Variants in ITPR2 observed in about 807,000 individuals in gnomAD.
ITPR2 encodes the protein inositol 1,4,5-trisphosphate receptor type 2.
In ITPR2, 207 loss-of-function variants were observed where a neutral mutation model predicts 317.1. The observed-to-expected ratio is 0.65, with a 90% CI of 0.58 to 0.73. The LOEUF (loss-of-function observed/expected upper bound fraction) is 0.73. ITPR2 is among the 30% of genes least tolerant of loss of function. The probability of loss-of-function intolerance (pLI) is 0.00; values close to 1 mark genes in which losing one functional copy is unlikely to be tolerated. For missense variants in ITPR2, 2,613 were observed against 3,284.0 expected (o/e 0.80, Z 4.99); for synonymous variants, 1,156 against 1,149.1 (o/e 1.01, Z -0.12).
intron 52 of ITPR2, chr12:26,406,430 T>TA (rs1940353129): frequency 3.9e-5 from 1 of 25,814 alleles, no homozygotes; most frequent in Non-Finnish European, 1.1e-4. Flanking sequence ...AATATGAAGT[T>TA]TTTTTTTTTT....
rs1431525091 is a variant in ITPR2 at position 26,649,675 on chromosome 12, A to T, written c.2740+4301T>A. Among the ~76,000 whole-genome samples the T allele has an allele frequency of 3.9e-5, 6 of 152,286 alleles. No individual in the cohort carries two copies. The East Asian group carries it at 1.2e-3, about 29-fold the overall frequency. On this transcript the variant is annotated intron_variant, in intron 21 of 56. Transcript: ENST00000381340. ...CCTCCAGAGATTGCCCACCAAACTT[A>T]AAACAAAATTCTACCCTCCCTCACT...
chr12:26,439,047 T>C (rs1441124539), intron 47 of ITPR2, 80 bp downstream of exon 47: 5 of 832,080 alleles, frequency 6.0e-6, no homozygotes, highest in East Asian at 5.2e-5. Flanking sequence ...ACAATTTAAA[T>C]GAGCTGCATC....
At chr12:26,393,540 C>T (rs1939909506) in intron 54 of ITPR2, among the ~76,000 whole-genome samples, 2 of 152,164 alleles carry the variant, frequency 1.3e-5, no homozygotes, top group Non-Finnish European at 2.9e-5. Context: ...CAAAAAGTAC[C>T]TGAAGCCAAT....
At chr12:26,495,818 A>G (rs1014310966) in intron 37 of ITPR2, among the ~76,000 whole-genome samples, 1 of 152,222 alleles carries the variant, frequency 6.6e-6, no homozygotes. Context: ...AGAGGAATTT[A>G]GTCAAAATAG....
Position 26,443,644 on chromosome 12 carries a change from G to A in ITPR2, c.6349C>T (p.Arg2117Cys), listed in dbSNP as rs200512907. The A allele has an allele frequency of 3.3e-5, 54 of 1,612,046 alleles. No individual in the cohort carries two copies. The highest frequency in any genetic ancestry group is 1.2e-4 in the Admixed American group (7 of 59,882). Residue 2117 changes from arginine to cysteine, a missense_variant, in exon 46 of 57, where the codon CGC becomes TGC. By Grantham distance (180) the Arg-to-Cys change is radical. Transcript: ENST00000381340. ...ATCTGCTGCAACAGTTTATTGTGGC[G>A]GGCCAACTAGAGTAGGGAAAAAATA... ...NIYILAHQLA[R>C]HNKLLQQMLK...
At chr12:26,655,638 GAA>G in intron 20 of ITPR2, 68 bp downstream of exon 20, 1 of 1,051,106 alleles carries the variant, frequency 9.5e-7, no homozygotes, top group Non-Finnish European at 1.3e-6. Context: ...AAAAAGCAGA[GAA>G]AATAATACCT....
chr12:26,459,580 C>T (rs998920374), intron 45 of ITPR2, among the ~76,000 whole-genome samples: 9 of 152,136 alleles, frequency 5.9e-5, no homozygotes, highest in African/African-American at 2.2e-4. Context: ...GGCCTTTGGC[C>T]CCACCCTCTT....
At chr12:26,550,385 G>T in intron 36 of ITPR2, 30 bp from the exon 37 acceptor site, 2 of 916,960 alleles carry the variant, frequency 2.2e-6, no homozygotes, top group Non-Finnish European at 1.8e-6. Flanking sequence ...CCTTTAGAAA[G>T]ACAGTGATTT....
rs149556051 is a variant in ITPR2, at chr12:26,766,235, C to T, written c.163+23922G>A. On this transcript the variant is annotated intron_variant, in intron 2 of 56. Transcript: ENST00000381340. The stretch of plus-strand genomic sequence containing the variant: ...TCAAGGTCCTACACCATTTTAAATT[C>T]CCACCAGCAGTTTATGAGGGTCTCA... Among the ~76,000 whole-genome samples the T allele has an allele frequency of 1.5e-3, 230 of 151,992 alleles. No homozygotes were observed. The East Asian group carries it at 0.038, about 25-fold the overall frequency.
At chr12:26,582,529 T>C (rs1170328814) in intron 32 of ITPR2, among the ~76,000 whole-genome samples, 1 of 152,226 alleles carries the variant, frequency 6.6e-6, no homozygotes, top group African/African-American at 2.4e-5. Flanking sequence ...CTTTAAGCCA[T>C]TTTTGGAATG....
chr12:26,713,307 A>G (rs1246520799), intron 8 of ITPR2, among the ~76,000 whole-genome samples: 2 of 152,212 alleles, frequency 1.3e-5, no homozygotes, highest in East Asian at 3.8e-4. Context: ...ATGCTGGGTA[A>G]GCACAGTCCT....
intron 45 of ITPR2, among the ~76,000 whole-genome samples, chr12:26,465,929 C>T (rs1162119729): frequency 6.6e-6 from 1 of 152,184 alleles, no homozygotes; most frequent in African/African-American, 2.4e-5. Flanking sequence ...GGTGTGTCTG[C>T]TCACTACTTT....
At chr12:26,776,431 T>C (rs1949971987) in intron 2 of ITPR2, among the ~76,000 whole-genome samples, 1 of 152,182 alleles carries the variant, frequency 6.6e-6, no homozygotes, top group Non-Finnish European at 1.5e-5. Flanking sequence ...TCTTATCTCC[T>C]GTAGAGAAAG....
chr12:26,517,893 G>T (rs1943567488), intron 37 of ITPR2, among the ~76,000 whole-genome samples: 1 of 152,132 alleles, frequency 6.6e-6, no homozygotes, highest in Non-Finnish European at 1.5e-5. Flanking sequence ...AAGTTGCAGA[G>T]AAAAGAGAAC....
chr12:26,518,016 C>T (rs1338150735), intron 37 of ITPR2, among the ~76,000 whole-genome samples: 1 of 152,194 alleles, frequency 6.6e-6, no homozygotes, highest in East Asian at 1.9e-4. Context: ...AATCCTGTTA[C>T]TGGGTATATG....
chr12:26,619,904 A>C (rs191455366), intron 26 of ITPR2, among the ~76,000 whole-genome samples: 14 of 152,326 alleles, frequency 9.2e-5, no homozygotes, highest in African/African-American at 3.1e-4. Context: ...TCCATTTGAT[A>C]GTCAATAAAA....
rs1452354013 is a variant in ITPR2, at chr12:26,580,123, T to C, written c.4413A>G (p.Ala1471=). ...TAACACACTTTTCCAAAAAGATGTCTGCATGTTTCCTGTCTGTAGTTGTGT... is the reference window on the plus strand; with the variant it reads ...TAACACACTTTTCCAAAAAGATGTCCGCATGTTTCCTGTCTGTAGTTGTGT... ...VCNTTTDRKH[A]DIFLEKCVTE... The change falls in exon 33 of 57, where the codon GCA becomes GCG. Residue 1471 remains alanine, a synonymous_variant. Coordinates refer to ENST00000381340, the MANE Select transcript of ITPR2 (RefSeq NM_002223.4). 2 of 1,612,620 alleles carry C rather than the reference T, an allele frequency of 1.2e-6. No homozygotes were observed. Among genetic ancestry groups the C allele is most frequent in the East Asian group, 4.5e-5 (2 of 44,832 alleles).
chr12:26,660,286 A>G (rs1947467898), intron 15 of ITPR2, among the ~76,000 whole-genome samples: 1 of 152,210 alleles, frequency 6.6e-6, no homozygotes, highest in Admixed American at 6.5e-5. Flanking sequence ...AGAGAAAGCC[A>G]CTGGGGAGGT....
chr12:26,499,172 T>C (rs1011198910), intron 37 of ITPR2, among the ~76,000 whole-genome samples: 1 of 152,250 alleles, frequency 6.6e-6, no homozygotes, highest in African/African-American at 2.4e-5. Context: ...AGTAGAATTA[T>C]GTCACACCAA....
Sources: gnomAD v4.1 joint callset for allele counts (sites outside exome capture counted in the v4.1 genomes callset) on GRCh38, gnomAD v4.1.1 for gene constraint, MANE v1.5 for transcripts, NCBI Gene and HGNC (gene_info 2026-07-23, HGNC 2026-07-21) for gene names.